The following LINGO2 variants were observed in gnomAD, a reference collection of about 807,000 sequenced individuals.
The protein encoded by LINGO2 is leucine rich repeat and Ig domain containing 2, also known as leucine-rich repeat and immunoglobulin-like domain-containing nogo receptor-interacting protein 2.
LINGO2 carries 14 observed loss-of-function variants against 30.6 expected under a neutral mutation model. The observed-to-expected ratio is 0.46, with a 90% CI of 0.30 to 0.72. LINGO2 has a LOEUF of 0.72. Ranked by LOEUF, LINGO2 falls within the 30% of genes least tolerant of loss-of-function variation. LINGO2 has a pLI of 0.07. For synonymous variants in LINGO2, 317 were observed against 288.5 expected (o/e 1.10, Z -1.00); for missense variants, 729 against 751.7 (o/e 0.97, Z 0.35).
the LINGO2 span, among the ~76,000 whole-genome samples, chr9:28,910,312 T>A: frequency 6.6e-6 from 1 of 151,998 alleles, no homozygotes; most frequent in Non-Finnish European, 1.5e-5. Context: ...TCACCAATTT[T>A]TTTTTGAGTT....
chr9:28,575,227 C>T (rs899612494), intron 1 of LINGO2, among the ~76,000 whole-genome samples: 1 of 151,954 alleles, frequency 6.6e-6, no homozygotes, highest in Non-Finnish European at 1.5e-5. Context: ...GATGGTGAAA[C>T]CCCATCTCTA....
At chr9:28,553,721 G>A (rs1003024349) in intron 1 of LINGO2, among the ~76,000 whole-genome samples, 1 of 151,772 alleles carries the variant, frequency 6.6e-6, no homozygotes, top group African/African-American at 2.4e-5. Flanking sequence ...TTGAAATGAA[G>A]GAAAAAATGT....
At chr9:28,675,857 C>G in the LINGO2 span, among the ~76,000 whole-genome samples, 43 of 135,202 alleles carry the variant, frequency 3.2e-4, 2 homozygotes, top group East Asian at 9.3e-3. Context: ...GGTAACAGAG[C>G]AAGACTCCAT....
chr9:28,935,453 A>C, the LINGO2 span, among the ~76,000 whole-genome samples: 48 of 152,236 alleles, frequency 3.2e-4, no homozygotes, highest in African/African-American at 1.1e-3. Context: ...AGTAGAGAAG[A>C]AGCAATTTAA....
the LINGO2 span, among the ~76,000 whole-genome samples, chr9:29,204,617 T>G: frequency 6.6e-6 from 1 of 152,246 alleles, no homozygotes; most frequent in African/African-American, 2.4e-5. Flanking sequence ...TTTCTCATGA[T>G]GGTATTTAAA....
intron 4 of LINGO2, among the ~76,000 whole-genome samples, chr9:28,191,502 T>C (rs934115042): frequency 4.6e-5 from 7 of 152,170 alleles, no homozygotes; most frequent in Admixed American, 4.6e-4. Flanking sequence ...ACTTGGCTCA[T>C]TTATCTAGCG....
intron 1 of LINGO2, among the ~76,000 whole-genome samples, chr9:28,605,369 C>T (rs917204049): frequency 4.0e-5 from 6 of 151,894 alleles, no homozygotes; most frequent in Non-Finnish European, 7.4e-5. Flanking sequence ...TATTTCACTA[C>T]ACTGTATAGC....
At chr9:28,906,338 A>G in the LINGO2 span, among the ~76,000 whole-genome samples, 21 of 152,122 alleles carry the variant, frequency 1.4e-4, no homozygotes, top group African/African-American at 5.1e-4. Context: ...GAGTTAATAT[A>G]TGTGATAATT....
At chr9:28,474,931 A>C (rs1825670654) in intron 2 of LINGO2, among the ~76,000 whole-genome samples, 1 of 152,190 alleles carries the variant, frequency 6.6e-6, no homozygotes, top group Admixed American at 6.5e-5. Context: ...ATAAAAATAT[A>C]AATCTGTATA....
chr9:28,549,501 T>C (rs1055301857), intron 1 of LINGO2, among the ~76,000 whole-genome samples: 3 of 152,020 alleles, frequency 2.0e-5, no homozygotes, highest in African/African-American at 7.2e-5. Context: ...ATTGTTATTA[T>C]ACAAGACTTG....
intron 5 of LINGO2, among the ~76,000 whole-genome samples, chr9:28,009,628 G>C (rs1429329951): frequency 1.3e-5 from 2 of 152,086 alleles, no homozygotes; most frequent in African/African-American, 4.8e-5. Flanking sequence ...AACATCATTA[G>C]CCATCAGGGA....
At chr9:28,772,671 T>C in the LINGO2 span, among the ~76,000 whole-genome samples, 1 of 152,236 alleles carries the variant, frequency 6.6e-6, no homozygotes, top group Non-Finnish European at 1.5e-5. Context: ...CAGTACTATA[T>C]GTTCCCTTGC....
intron 1 of LINGO2, among the ~76,000 whole-genome samples, chr9:28,555,858 A>C (rs865944183): frequency 2.4e-4 from 36 of 152,224 alleles, no homozygotes; most frequent in African/African-American, 6.5e-4. Flanking sequence ...CAAATCAATA[A>C]ATGTAATCCA....
the LINGO2 span, among the ~76,000 whole-genome samples, chr9:29,128,369 C>T: frequency 3.3e-5 from 5 of 152,088 alleles, no homozygotes; most frequent in Non-Finnish European, 5.9e-5. Flanking sequence ...CCACCTCACT[C>T]CCCACTTGGC....
intron 2 of LINGO2, among the ~76,000 whole-genome samples, chr9:28,474,552 A>G (rs1825652629): frequency 6.6e-6 from 1 of 152,114 alleles, no homozygotes; most frequent in South Asian, 2.1e-4. Flanking sequence ...CAGTTGTTTC[A>G]TACTACTCTT....
chr9:29,047,566 C>T, the LINGO2 span, among the ~76,000 whole-genome samples: 54,213 of 151,748 alleles, frequency 0.36, 9,787 homozygotes, highest in East Asian at 0.48. Flanking sequence ...ATTTGGAAGA[C>T]GACAAGGATG....
chr9:28,264,091 C>G (rs116865209), intron 4 of LINGO2, among the ~76,000 whole-genome samples: 1 of 151,902 alleles, frequency 6.6e-6, no homozygotes, highest in Admixed American at 6.6e-5. Context: ...AAATCTGTAG[C>G]CATCAAATCA....
the LINGO2 span, among the ~76,000 whole-genome samples, chr9:28,972,535 A>C: frequency 6.6e-6 from 1 of 152,120 alleles, no homozygotes; most frequent in African/African-American, 2.4e-5. Context: ...AATGCATCAG[A>C]ATCTCTTAAT....
intron 2 of LINGO2, among the ~76,000 whole-genome samples, chr9:28,406,262 C>T (rs185847220): frequency 2.6e-4 from 40 of 152,052 alleles, no homozygotes; most frequent in African/African-American, 8.7e-4. Flanking sequence ...ATGGTGAAAC[C>T]CCATGTCTAC....
Sources: gnomAD v4.1 joint callset for allele counts (sites outside exome capture counted in the v4.1 genomes callset) on GRCh38, gnomAD v4.1.1 for gene constraint, MANE v1.5 for transcripts, NCBI Gene and HGNC (gene_info 2026-07-23, HGNC 2026-07-21) for gene names.